The following ZSCAN25 variants were observed in gnomAD, a reference collection of about 807,000 sequenced individuals.
ZSCAN25 encodes zinc finger and SCAN domain-containing protein 25.
ZSCAN25 carries 27 observed loss-of-function variants against 38.7 expected under a neutral mutation model. That is an observed-to-expected ratio of 0.70 (90% CI 0.51 to 0.96). The LOEUF is 0.96. ZSCAN25 is among the 40% of genes least tolerant of loss of function. The pLI is 0.00. For missense variants in ZSCAN25, 637 were observed against 705.9 expected, an observed-to-expected ratio of 0.90 and a Z score of 1.11; for synonymous variants, 273 against 277.7, an observed-to-expected ratio of 0.98 and a Z score of 0.17.
At chr7:99,693,210 T>TCTG in the ZSCAN25 span, among the ~76,000 whole-genome samples, 16 of 152,086 alleles carry the variant, frequency 1.1e-4, no homozygotes, top group African/African-American at 3.9e-4. Flanking sequence ...TTTGCCTGGG[T>TCTG]ATTACCTGCA....
At chr7:99,675,593 C>T in the ZSCAN25 span, among the ~76,000 whole-genome samples, 1 of 147,814 alleles carries the variant, frequency 6.8e-6, no homozygotes, top group African/African-American at 2.5e-5. Context: ...AGCCTACACA[C>T]CTTTTCCTCT....
the ZSCAN25 span, chr7:99,660,152 T>C: frequency 1.1e-6 from 1 of 869,710 alleles, no homozygotes; most frequent in Admixed American, 5.8e-5. Flanking sequence ...GTCTTCTGTG[T>C]TGCTCACGCT....
intron 4 of ZSCAN25, chr7:99,620,256 A>G: frequency 2.0e-6 from 1 of 488,690 alleles, no homozygotes; most frequent in Non-Finnish European, 3.6e-6. Context: ...CCTTGTGGGC[A>G]TCAGGCAAAA....
chr7:99,727,718 G>GC, the ZSCAN25 span, among the ~76,000 whole-genome samples: 1 of 152,026 alleles, frequency 6.6e-6, no homozygotes, highest in Non-Finnish European at 1.5e-5. Context: ...CTACTGCTCT[G>GC]CCCCCCTCCA....
In ZSCAN25 at chr7:99,629,695, G is replaced by T; in HGVS notation, c.1310G>T (p.Trp437Leu). The change falls in exon 8 of 8, where the codon TGG becomes TTG. Residue 437 changes from tryptophan to leucine, a missense_variant. Transcript: ENST00000394152. This position sits in a 1 kb window ranked among gnomAD's most constrained non-coding sequence, Gnocchi z 5.6. ...AAGCCCTACAAGTGCGGGGACTGCT[G>T]GAAGAGCTTCAGCCGCAGGCAGCAC... ...GEKPYKCGDC[W>L]KSFSRRQHLQ... The T allele has an allele frequency of 6.2e-7, 1 of 1,614,120 alleles. No individual in the cohort carries two copies. Among genetic ancestry groups the T allele is most frequent in the Non-Finnish European group, 8.5e-7 (1 of 1,180,032 alleles).
At chr7:99,624,286 G>A in intron 7 of ZSCAN25, 106 bp downstream of exon 7, 4 of 1,488,774 alleles carry the variant, frequency 2.7e-6, no homozygotes, top group Non-Finnish European at 2.8e-6. Context: ...GGGACTTCAT[G>A]GCAGGCGGGT....
chr7:99,666,715 G>A, the ZSCAN25 span: 2 of 1,613,942 alleles, frequency 1.2e-6, no homozygotes, highest in Non-Finnish European at 1.7e-6. Context: ...ATCAGTACCT[G>A]TAGTTAAATG....
the ZSCAN25 span, among the ~76,000 whole-genome samples, chr7:99,687,185 C>T: frequency 4.0e-4 from 61 of 152,304 alleles, no homozygotes; most frequent in African/African-American, 1.5e-3. Flanking sequence ...ATGACTTTGG[C>T]AAGTTGAGAG....
chr7:99,667,230 C>G, the ZSCAN25 span, among the ~76,000 whole-genome samples: 1 of 141,680 alleles, frequency 7.1e-6, no homozygotes, highest in African/African-American at 2.6e-5. Flanking sequence ...AGATGCCTAG[C>G]CTCTTCTGAG....
rs1004329454 is a variant in ZSCAN25, at chr7:99,618,572, A to C, written c.-211A>C. 1 of 152,102 alleles carries C rather than the reference A, an allele frequency of 6.6e-6. No homozygotes were observed. The highest frequency in any genetic ancestry group is 2.4e-5 in the African/African-American group (1 of 41,414). The allele number at this position is 152,102 out of a possible 1,614,324, so 9.4% of individuals were successfully genotyped here. ...AGCCATCAGCAAGTTTGTTGGTTTTAATCTCCAAAATACGTCTTGATTTTG... is the reference window on the plus strand; with the variant it reads ...AGCCATCAGCAAGTTTGTTGGTTTTCATCTCCAAAATACGTCTTGATTTTG... On this transcript the variant is annotated 5_prime_UTR_variant, in exon 2 of 8. Transcript: ENST00000394152.
chr7:99,688,440 G>A, the ZSCAN25 span, among the ~76,000 whole-genome samples: 1 of 152,124 alleles, frequency 6.6e-6, no homozygotes, highest in Non-Finnish European at 1.5e-5. Context: ...ATTACATAAA[G>A]GTAAAGGGAT....
At chr7:99,717,270 G>A in the ZSCAN25 span, 6 of 1,613,880 alleles carry the variant, frequency 3.7e-6, no homozygotes, top group Non-Finnish European at 5.1e-6. Context: ...GACCATCTAA[G>A]CACAAAACAC....
the ZSCAN25 span, among the ~76,000 whole-genome samples, chr7:99,703,094 A>G: frequency 6.6e-6 from 1 of 152,214 alleles, no homozygotes; most frequent in Non-Finnish European, 1.5e-5. Context: ...TTGATTTTGT[A>G]TCCTGCAACT....
At chr7:99,689,515 G>A in the ZSCAN25 span, among the ~76,000 whole-genome samples, 7 of 152,172 alleles carry the variant, frequency 4.6e-5, no homozygotes, top group Admixed American at 4.6e-4. Flanking sequence ...TGAAATTGTG[G>A]CAATAATCAA....
chr7:99,620,305 C>T (rs769704782), intron 4 of ZSCAN25: 2 of 315,282 alleles, frequency 6.3e-6, no homozygotes, highest in Non-Finnish European at 1.2e-5. Flanking sequence ...CCCTCATAGA[C>T]CTGACCCTGC....
chr7:99,679,486 C>G, the ZSCAN25 span, among the ~76,000 whole-genome samples: 1 of 152,168 alleles, frequency 6.6e-6, no homozygotes, highest in Non-Finnish European at 1.5e-5. Context: ...GGATGAGGAT[C>G]ACACTGTCCA....
the ZSCAN25 span, among the ~76,000 whole-genome samples, chr7:99,736,349 A>G: frequency 2.6e-5 from 4 of 152,268 alleles, no homozygotes; most frequent in South Asian, 8.3e-4. Flanking sequence ...CAGCCTCTTG[A>G]GGGTGGAATT....
At chr7:99,691,814 A>AC in the ZSCAN25 span, among the ~76,000 whole-genome samples, 1 of 152,170 alleles carries the variant, frequency 6.6e-6, no homozygotes, top group African/African-American at 2.4e-5. Context: ...GGTCTCCTGA[A>AC]CACAGCACAC....
the ZSCAN25 span, chr7:99,715,713 A>G: frequency 9.3e-6 from 15 of 1,613,002 alleles, no homozygotes; most frequent in Middle Eastern, 1.6e-4. Context: ...TAAAGCAGTT[A>G]TTTTTAAGAG....
Sources: gnomAD v4.1 joint callset for allele counts (sites outside exome capture counted in the v4.1 genomes callset) on GRCh38, gnomAD v4.1.1 for gene constraint, Gnocchi (gnomAD v3.1) non-coding constraint, MANE v1.5 for transcripts, NCBI Gene and HGNC (gene_info 2026-07-23, HGNC 2026-07-21) for gene names.